The following SGCG variants were observed in gnomAD, a reference collection of about 807,000 sequenced individuals.
SGCG encodes sarcoglycan gamma.
SGCG carries 26 observed loss-of-function variants against 29.3 expected under a neutral mutation model. The observed-to-expected ratio is 0.89, with a 90% CI of 0.65 to 1.23. The LOEUF (loss-of-function observed/expected upper bound fraction) is 1.23. SGCG is among the 50% of genes most tolerant of loss of function. SGCG has a pLI of 0.00. For missense variants in SGCG, 353 were observed against 356.0 expected (o/e 0.99, Z 0.07); for synonymous variants, 145 against 129.7 (o/e 1.12, Z -0.80).
upstream of SGCG, among the ~76,000 whole-genome samples, chr13:23,180,536 G>A (rs1876693004): frequency 1.3e-5 from 2 of 152,158 alleles, no homozygotes; most frequent in African/African-American, 2.4e-5. Flanking sequence ...ATTTGGATGA[G>A]ACTAGTATAT....
chr13:23,210,556 T>G (rs1485761135), intron 2 of SGCG, among the ~76,000 whole-genome samples: 2 of 152,050 alleles, frequency 1.3e-5, no homozygotes, highest in African/African-American at 2.4e-5. Context: ...CCGGGCGTGG[T>G]GGCGGGCGCC....
At position 23,228,434 on chromosome 13, in the gene SGCG, T is replaced by G. The variant is rs1878983219; in HGVS notation, c.196-6177T>G. Among the ~76,000 whole-genome samples the G allele has an allele frequency of 4.0e-5, 6 of 150,944 alleles. No individual in the cohort carries two copies. The South Asian group carries it at 1.3e-3, about 31-fold the overall frequency. On this transcript the variant is annotated intron_variant, in intron 2 of 7. Coordinates refer to ENST00000218867, the MANE Select transcript of SGCG (RefSeq NM_000231.3). The stretch of plus-strand genomic sequence containing the variant: ...AGGTCATCTTATGTCAATTCCTACT[T>G]TTTTTCTTTTTAAAAAATATTTTAA...
chr13:23,297,942 A>C (rs972262011), intron 6 of SGCG, among the ~76,000 whole-genome samples: 2 of 151,830 alleles, frequency 1.3e-5, no homozygotes, highest in Non-Finnish European at 2.9e-5. Flanking sequence ...ACGGGGTTTC[A>C]TCATGTTGGT....
At chr13:23,277,620 A>G (rs1593214810) in intron 4 of SGCG, among the ~76,000 whole-genome samples, 1 of 152,022 alleles carries the variant, frequency 6.6e-6, no homozygotes, top group Non-Finnish European at 1.5e-5. Context: ...GTATCCAAAA[A>G]TTTTTATGAG....
At chr13:23,227,623 G>A (rs370679208) in intron 2 of SGCG, among the ~76,000 whole-genome samples, 1 of 152,084 alleles carries the variant, frequency 6.6e-6, no homozygotes, top group Non-Finnish European at 1.5e-5. Flanking sequence ...TGACATCCAC[G>A]TGGATGGACA....
the SGCG span, among the ~76,000 whole-genome samples, chr13:23,160,734 C>T: frequency 1.3e-5 from 2 of 152,166 alleles, no homozygotes; most frequent in African/African-American, 4.8e-5. Context: ...CCTAAACTAA[C>T]CCCTCTGTTG....
Position 23,187,475 on chromosome 13 carries a change from C to T in SGCG, c.-1+6400C>T, listed in dbSNP as rs1004485382. On this transcript the variant is annotated intron_variant, in intron 1 of 7. Transcript: ENST00000218867. The stretch of plus-strand genomic sequence containing the variant: ...GGTGCGCTGCCTGTAGCTTTGTCAG[C>T]GAGGAGGTTTTCTCTCACCACAATC... Among the ~76,000 whole-genome samples, 6 of 152,154 alleles carry T rather than the reference C, an allele frequency of 3.9e-5. 1 individual carries two copies. Among genetic ancestry groups the T allele is most frequent in the Admixed American group, 1.3e-4 (2 of 15,276 alleles).
chr13:23,282,765 G>T (rs1183730880), intron 5 of SGCG, among the ~76,000 whole-genome samples: 2 of 152,142 alleles, frequency 1.3e-5, no homozygotes, highest in Non-Finnish European at 2.9e-5. Context: ...TTGAACCTCA[G>T]CATTGTTAAC....
the SGCG span, among the ~76,000 whole-genome samples, chr13:23,164,628 A>G: frequency 1.3e-5 from 2 of 152,194 alleles, no homozygotes; most frequent in African/African-American, 4.8e-5. Context: ...TTATGGCAGA[A>G]GGGAAATAGG....
intron 4 of SGCG, among the ~76,000 whole-genome samples, chr13:23,274,395 CTTTTT>C (rs869153381): frequency 4.2e-4 from 36 of 85,220 alleles, no homozygotes; most frequent in African/African-American, 1.4e-3. Context: ...CTTTCTTTCT[CTTTTT>C]TTTTTTTTTT....
upstream of SGCG, among the ~76,000 whole-genome samples, chr13:23,176,637 A>G (rs1876562556): frequency 6.6e-6 from 1 of 151,964 alleles, no homozygotes; most frequent in Non-Finnish European, 1.5e-5. Context: ...TATAGGTGCA[A>G]TAAGTCTCTT....
At chr13:23,315,722 T>C (rs1008040015) in intron 6 of SGCG, among the ~76,000 whole-genome samples, 18 of 152,152 alleles carry the variant, frequency 1.2e-4, no homozygotes, top group African/African-American at 4.3e-4. Flanking sequence ...GATATGCAAT[T>C]ATATACTGAT....
chr13:23,259,231 G>A lies in SGCG; in HGVS notation c.385+8514G>A, dbSNP rs539592247. On this transcript the variant is annotated intron_variant, in intron 4 of 7. Coordinates refer to ENST00000218867, the MANE Select transcript of SGCG (RefSeq NM_000231.3). ...TGCCTCAATTTCAGCGCCTGTTATT[G>A]GTCTATTCAGGGATTCAACTTCTTC... is the stretch of plus-strand genomic sequence containing the variant. Among the ~76,000 whole-genome samples, 70 of 152,166 alleles carry A rather than the reference G, an allele frequency of 4.6e-4. 1 individual carries two copies. The highest frequency in any genetic ancestry group is 1.7e-3 in the African/African-American group (69 of 41,516).
At chr13:23,176,371 T>G (rs1876554970), upstream of SGCG, among the ~76,000 whole-genome samples, 2 of 152,188 alleles carry the variant, frequency 1.3e-5, no homozygotes, top group South Asian at 4.1e-4. Flanking sequence ...ACAGTTAAGT[T>G]TCAAAGTACA....
intron 6 of SGCG, among the ~76,000 whole-genome samples, chr13:23,298,562 T>G (rs1881999913): frequency 6.6e-6 from 1 of 152,190 alleles, no homozygotes; most frequent in Non-Finnish European, 1.5e-5. Context: ...ATAACAAGGT[T>G]TAATTTTGAA....
In SGCG at chr13:23,316,982, A is replaced by G. The variant is rs182337164; in HGVS notation, c.579-3655A>G. On this transcript the variant is annotated intron_variant, in intron 6 of 7. Coordinates refer to ENST00000218867, the MANE Select transcript of SGCG (RefSeq NM_000231.3). ...AGCACTTTGGGAGGCCAAGGTGGGC[A>G]GATCATGAGGTCAGGAGATTGAGAC... Among the ~76,000 whole-genome samples the G allele has an allele frequency of 6.7e-3, 1,025 of 152,268 alleles. 12 individuals are homozygous for G. The highest frequency in any genetic ancestry group is 0.023 in the African/African-American group (970 of 41,560).
chr13:23,206,228 C>A (rs1877976030), intron 2 of SGCG, among the ~76,000 whole-genome samples: 1 of 152,162 alleles, frequency 6.6e-6, no homozygotes, highest in South Asian at 2.1e-4. Context: ...AATACGATAT[C>A]ATTAACAATA....
chr13:23,248,364 A>G (rs1221828471), intron 3 of SGCG, among the ~76,000 whole-genome samples: 1 of 152,174 alleles, frequency 6.6e-6, no homozygotes, highest in East Asian at 1.9e-4. Context: ...AGGAATGAGC[A>G]TTGTAGTTCT....
At chr13:23,175,374 A>G in the SGCG span, among the ~76,000 whole-genome samples, 10 of 152,176 alleles carry the variant, frequency 6.6e-5, no homozygotes, top group African/African-American at 2.4e-4. Context: ...CCTTTTTACC[A>G]TGCATAGATT....
Sources: gnomAD v4.1 joint callset for allele counts (sites outside exome capture counted in the v4.1 genomes callset) on GRCh38, gnomAD v4.1.1 for gene constraint, MANE v1.5 for transcripts, NCBI Gene and HGNC (gene_info 2026-07-23, HGNC 2026-07-21) for gene names.